Variants in GBP7 observed in about 807,000 individuals in gnomAD.
GBP7 encodes the protein guanylate-binding protein 7.
Under a neutral mutation model 61.3 loss-of-function variants are expected in GBP7, and 43 were observed. The observed-to-expected ratio is 0.70, with a 90% CI of 0.55 to 0.91. The LOEUF (loss-of-function observed/expected upper bound fraction) is 0.91. Among genes scored for constraint, GBP7 ranks in the 40% least tolerant of loss-of-function variants. GBP7 has a pLI of 0.00. For synonymous variants in GBP7, 267 were observed against 271.0 expected (o/e 0.99, Z 0.14); for missense variants, 717 against 740.5 (o/e 0.97, Z 0.37).
rs369367395 is a variant in GBP7 at position 89,175,624 on chromosome 1, C to T, written c.-20+297G>A. ...ATGTTGGGCCCAATAAAGAAAGTGACAGAGCCTATTAGGCAGATATTTAAA... is the reference window on the plus strand; with the variant it reads ...ATGTTGGGCCCAATAAAGAAAGTGATAGAGCCTATTAGGCAGATATTTAAA... On this transcript the variant is annotated intron_variant, in intron 1 of 10. Coordinates refer to ENST00000294671, the MANE Select transcript of GBP7 (RefSeq NM_207398.3). Among the ~76,000 whole-genome samples the T allele has an allele frequency of 3.7e-4, 56 of 152,296 alleles. 6 individuals are homozygous for T. Among genetic ancestry groups the T allele is most frequent in the Admixed American group, 9.2e-4 (14 of 15,296 alleles).
At chr1:89,150,057 T>G (rs1261145918) in intron 6 of GBP7, among the ~76,000 whole-genome samples, 1 of 152,222 alleles carries the variant, frequency 6.6e-6, no homozygotes, top group Non-Finnish European at 1.5e-5. Flanking sequence ...AACATGTTCA[T>G]GAAGCCAGCT....
chr1:89,174,688 T>C (rs571790400), intron 1 of GBP7, among the ~76,000 whole-genome samples: 1 of 152,328 alleles, frequency 6.6e-6, no homozygotes, highest in Admixed American at 6.5e-5. Context: ...CTTCCTCCTC[T>C]CACTGTGCAT....
intron 3 of GBP7, among the ~76,000 whole-genome samples, chr1:89,160,023 A>G (rs1204976898): frequency 6.6e-6 from 1 of 152,250 alleles, no homozygotes; most frequent in Non-Finnish European, 1.5e-5. Context: ...ATGGAATACC[A>G]TGCAGCCATA....
chr1:89,160,922 T>G (rs932941693), intron 3 of GBP7, among the ~76,000 whole-genome samples: 4 of 151,116 alleles, frequency 2.6e-5, no homozygotes, highest in African/African-American at 9.7e-5. Context: ...TTTCTTGATC[T>G]TTTCCCTCCT....
chr1:89,161,989 G>A (rs1015104899), intron 3 of GBP7, among the ~76,000 whole-genome samples: 1 of 150,326 alleles, frequency 6.7e-6, no homozygotes, highest in African/African-American at 2.4e-5. Context: ...TCTGCATATG[G>A]CTAGCCTGTT....
intron 9 of GBP7, among the ~76,000 whole-genome samples, chr1:89,141,327 C>G (rs1681942712): frequency 6.6e-6 from 1 of 152,072 alleles, no homozygotes; most frequent in Admixed American, 6.6e-5. Flanking sequence ...AATTCTGTCA[C>G]TAGCCATGTC....
At chr1:89,145,364 G>T (rs138366424) in intron 8 of GBP7, among the ~76,000 whole-genome samples, 11 of 152,164 alleles carry the variant, frequency 7.2e-5, no homozygotes, top group African/African-American at 2.2e-4. Context: ...TCATGTTGTC[G>T]CCAGTGGTAG....
intron 3 of GBP7, among the ~76,000 whole-genome samples, chr1:89,153,151 C>G (rs1025703851): frequency 3.3e-5 from 5 of 152,168 alleles, no homozygotes; most frequent in African/African-American, 1.2e-4. Context: ...ATGCAATAAA[C>G]TTAAATTTTT....
In GBP7 at chr1:89,147,676, T is replaced by G. The variant is rs560929082; in HGVS notation, c.1256A>C (p.Glu419Ala). 1 of 1,614,232 alleles carries G rather than the reference T, an allele frequency of 6.2e-7. No homozygotes were observed. The highest frequency in any genetic ancestry group is 8.5e-7 in the Non-Finnish European group (1 of 1,180,034). ...AAAGAAAGTTCCTCTTGAAATACTT[T>G]CTGTCAAGAGCTCTGAAAGCCGCTT... is the stretch of plus-strand genomic sequence containing the variant. Reference protein sequence around the residue: ...ELKRLSELLTESISRGTFFVP... With the variant: ...ELKRLSELLTASISRGTFFVP... Residue 419 changes from glutamate to alanine, a missense_variant, in exon 8 of 11, where the codon GAA becomes GCA. By Grantham distance (107) the Glu-to-Ala change is moderately radical (BLOSUM62 -1). Coordinates refer to ENST00000294671, the MANE Select transcript of GBP7 (RefSeq NM_207398.3).
At chr1:89,156,384 C>T (rs1014749029) in intron 3 of GBP7, among the ~76,000 whole-genome samples, 2 of 152,090 alleles carry the variant, frequency 1.3e-5, no homozygotes, top group African/African-American at 4.8e-5. Context: ...GGGCTAAATG[C>T]TCCAATTAAA....
intron 2 of GBP7, among the ~76,000 whole-genome samples, chr1:89,171,501 G>T (rs915523355): frequency 6.6e-6 from 1 of 151,470 alleles, no homozygotes; most frequent in African/African-American, 2.4e-5. Flanking sequence ...ATTTAATAAT[G>T]CATTATTATT....
chr1:89,172,474 A>T (rs1330605645), intron 1 of GBP7, among the ~76,000 whole-genome samples: 1 of 152,180 alleles, frequency 6.6e-6, no homozygotes, highest in Non-Finnish European at 1.5e-5. Context: ...ATTTTGAGGA[A>T]TATCCTTCAA....
At chr1:89,146,566 A>G (rs1682068655) in intron 8 of GBP7, among the ~76,000 whole-genome samples, 1 of 152,240 alleles carries the variant, frequency 6.6e-6, no homozygotes, top group Admixed American at 6.5e-5. Flanking sequence ...ATGAGCTCAT[A>G]TAACTCAATA....
intron 8 of GBP7, among the ~76,000 whole-genome samples, chr1:89,143,427 T>C (rs1267035064): frequency 6.6e-6 from 1 of 152,222 alleles, no homozygotes; most frequent in Non-Finnish European, 1.5e-5. Context: ...TTTATTTTTA[T>C]CTGATCTGAA....
intron 10 of GBP7, 62 bp from the exon 11 acceptor site, chr1:89,132,465 T>C: frequency 2.4e-6 from 3 of 1,260,660 alleles, no homozygotes; most frequent in Admixed American, 2.3e-5. Flanking sequence ...GAGGTTTGTA[T>C]TTAACAATTT....
chr1:89,170,903 A>G (rs1205314560), intron 2 of GBP7, among the ~76,000 whole-genome samples: 8 of 152,336 alleles, frequency 5.3e-5, no homozygotes, highest in Non-Finnish European at 1.2e-4. Flanking sequence ...GGTTCTATGC[A>G]TAAAACTCTC....
chr1:89,149,457 C>T lies in GBP7; in HGVS notation c.987G>A (p.Arg329=). The change falls in exon 7 of 11, where the codon AGG becomes AGA. Residue 329 remains arginine, a synonymous_variant. Transcript: ENST00000294671. ...AQCENSAAVQ[R]AANHYSQQMA... ...TCTGCTGGCTGTAGTGGTTGGCTGC[C>T]CTCTGCACGGCTGCTGAGTTCTCAC... 2 of 1,614,114 alleles carry T rather than the reference C, an allele frequency of 1.2e-6. No individual in the cohort carries two copies. The highest frequency in any genetic ancestry group is 1.7e-6 in the Non-Finnish European group (2 of 1,180,012).
intron 9 of GBP7, among the ~76,000 whole-genome samples, chr1:89,139,159 A>G (rs954599221): frequency 3.5e-4 from 53 of 152,322 alleles, no homozygotes; most frequent in African/African-American, 1.2e-3. Flanking sequence ...CAACCATCTG[A>G]TCTTTGACAA....
intron 1 of GBP7, 121 bp downstream of exon 1, chr1:89,175,800 G>A (rs1647723196): frequency 6.6e-6 from 1 of 152,158 alleles, no homozygotes; most frequent in African/African-American, 2.4e-5. Context: ...AAGAGGCCAG[G>A]ATTTCATCTG....
Sources: allele counts gnomAD v4.1 joint callset (sites outside exome capture counted in the v4.1 genomes callset), GRCh38; gene constraint gnomAD v4.1.1; transcripts MANE v1.5; gene names NCBI Gene and HGNC (gene_info 2026-07-23, HGNC 2026-07-21).